SHROOM3: variants seen among roughly 807,000 people sequenced by gnomAD.
SHROOM3 encodes the protein shroom family member 3, also known as protein Shroom3.
Under a neutral mutation model 138.6 loss-of-function variants are expected in SHROOM3, and 47 were observed. The observed-to-expected ratio is 0.34, with a 90% CI of 0.27 to 0.43. The LOEUF is 0.43. Among genes scored for constraint, SHROOM3 ranks in the 20% least tolerant of loss-of-function variants. SHROOM3 has a pLI of 1.00. For missense variants in SHROOM3, 2,491 were observed against 2,596.5 expected (o/e 0.96, Z 0.88); for synonymous variants, 1,062 against 1,063.3 (o/e 1.00, Z 0.02).
intron 2 of SHROOM3, among the ~76,000 whole-genome samples, chr4:76,678,737 T>G (rs1437687201): frequency 6.6e-6 from 1 of 152,226 alleles, no homozygotes; most frequent in Non-Finnish European, 1.5e-5. Flanking sequence ...CCTGGCTCAC[T>G]GCAACCTCCG....
chr4:76,621,262 G>C (rs146727114), intron 2 of SHROOM3, among the ~76,000 whole-genome samples: 12 of 152,244 alleles, frequency 7.9e-5, no homozygotes, highest in African/African-American at 2.4e-4. Flanking sequence ...AAGCTAAGGT[G>C]ATCATCAGAC....
At position 76,567,372 on chromosome 4, in the gene SHROOM3, C is replaced by T. The variant is rs186847596; in HGVS notation, c.323+11609C>T. ...CAACATGGTGAAACCCCGTCTCAGC[C>T]GGGTGCGGTGGCTCATGCCTGTAAT... On this transcript the variant is annotated intron_variant, in intron 2 of 10. Transcript: ENST00000296043. 8.9e-3 allele frequency among the ~76,000 whole-genome samples: 1,349 copies of T among 152,172 alleles called. 12 individuals carry two copies. Among genetic ancestry groups the T allele is most frequent in the Non-Finnish European group, 0.011 (780 of 68,006 alleles).
chr4:76,451,601 T>C (rs1240577278), intron 1 of SHROOM3, among the ~76,000 whole-genome samples: 1 of 152,208 alleles, frequency 6.6e-6, no homozygotes, highest in Non-Finnish European at 1.5e-5. Flanking sequence ...TTCTATATCT[T>C]AATAGTGATA....
chr4:76,562,466 G>A (rs1733618236), intron 2 of SHROOM3, among the ~76,000 whole-genome samples: 2 of 152,122 alleles, frequency 1.3e-5, no homozygotes, highest in Non-Finnish European at 2.9e-5. Flanking sequence ...AACTCACCCA[G>A]GATTTGCAAG....
At chr4:76,777,088 T>C (rs1722594105) in intron 10 of SHROOM3, among the ~76,000 whole-genome samples, 1 of 152,196 alleles carries the variant, frequency 6.6e-6, no homozygotes, top group South Asian at 2.1e-4. Context: ...GGGCTCTTTT[T>C]TGGTTCCATA....
rs1321805128 is a variant in SHROOM3 at position 76,741,120 on chromosome 4, C to T, written c.2947C>T (p.Arg983Trp). ...GGCCTCCGCCTCCCCGCACACGCCC[C>T]GGGAGCGGCACAGCGTGACCCCTGC... ...ASASASPHTP[R>W]ERHSVTPAEG... is the part of the protein sequence containing the mutation. Residue 983 changes from arginine to tryptophan, a missense_variant, in exon 5 of 11, where the codon CGG becomes TGG. Physicochemically the swap from Arg to Trp is moderately radical, Grantham distance 101 (BLOSUM62 -3). Around this residue, in one of 4 missense-constraint regions of SHROOM3, gnomAD observed 1,733 missense variants for 1,661.6 expected, o/e 1.04. Coordinates refer to ENST00000296043, the MANE Select transcript of SHROOM3 (RefSeq NM_020859.4). This position sits in a 1 kb window ranked among gnomAD's most constrained non-coding sequence, Gnocchi z 6.2. The T allele has an allele frequency of 5.8e-6, 9 of 1,552,176 alleles. No homozygotes were observed. The highest frequency in any genetic ancestry group is 1.4e-5 in the African/African-American group (1 of 73,210).
At chr4:76,450,739 G>A (rs1329507676) in intron 1 of SHROOM3, among the ~76,000 whole-genome samples, 2 of 152,120 alleles carry the variant, frequency 1.3e-5, no homozygotes, top group African/African-American at 4.8e-5. Flanking sequence ...CTATAAATGG[G>A]TACAAGGTTT....
At chr4:76,531,466 T>C (rs1159203096) in intron 1 of SHROOM3, among the ~76,000 whole-genome samples, 1 of 152,154 alleles carries the variant, frequency 6.6e-6, no homozygotes, top group African/African-American at 2.4e-5. Context: ...TTCCATCTAG[T>C]GCACCACGAA....
intron 2 of SHROOM3, among the ~76,000 whole-genome samples, chr4:76,646,250 AAT>A (rs1735819089): frequency 7.0e-6 from 1 of 142,696 alleles, no homozygotes; most frequent in Non-Finnish European, 1.5e-5. Context: ...ATATATATAA[AAT>A]TAAAAAAAAG....
intron 3 of SHROOM3, among the ~76,000 whole-genome samples, chr4:76,720,457 T>C (rs897157088): frequency 6.6e-6 from 1 of 152,200 alleles, no homozygotes; most frequent in African/African-American, 2.4e-5. Context: ...GTTTTTTGAC[T>C]TGGTCCCAGT....
intron 9 of SHROOM3, among the ~76,000 whole-genome samples, chr4:76,760,568 T>C (rs571208847): frequency 3.2e-4 from 48 of 152,222 alleles, no homozygotes; most frequent in Admixed American, 1.5e-3. Flanking sequence ...ATCTACAATG[T>C]GTCCCAAGCT....
rs1720184273 is a variant in SHROOM3 at position 76,710,055 on chromosome 4, CG to C, written c.324-97del. On this transcript the variant is annotated intron_variant, in intron 2 of 10. Transcript: ENST00000296043. ...TAGCTGTGCTGCTTTGCTCTGGCTC[CG>C]GGGTTCGTTTTCATGTGCTTTTTCG... 1.3e-5 allele frequency: 19 copies of C among 1,519,468 alleles called. No homozygotes were observed. In the East Asian group the frequency reaches 3.2e-4, roughly 26 times the overall value. 94.1% of individuals were successfully genotyped at this position (1,519,468 alleles called of 1,614,324 possible).
rs565433759 is a variant in SHROOM3, at chr4:76,563,177, C to A, written c.323+7414C>A. On this transcript the variant is annotated intron_variant, in intron 2 of 10. Coordinates refer to ENST00000296043, the MANE Select transcript of SHROOM3 (RefSeq NM_020859.4). ...TGTTTCATCATAGTAAAATATTAAT[C>A]TTTATTTCATAAGGAGCTTCTATTG... Among the ~76,000 whole-genome samples the A allele has an allele frequency of 2.6e-5, 4 of 152,272 alleles. No homozygotes were observed. The East Asian group carries it at 7.7e-4, about 29-fold the overall frequency.
chr4:76,440,828 ATCTC>A (rs758151932), intron 1 of SHROOM3, among the ~76,000 whole-genome samples: 7 of 152,022 alleles, frequency 4.6e-5, no homozygotes, highest in Non-Finnish European at 8.8e-5. Context: ...TAGCTGGACT[ATCTC>A]TATGCCATCT....
chr4:76,777,828 A>G (rs904975775), intron 10 of SHROOM3, among the ~76,000 whole-genome samples: 1 of 152,228 alleles, frequency 6.6e-6, no homozygotes, highest in Non-Finnish European at 1.5e-5. Context: ...CACATTAAAG[A>G]TAACATATGC....
rs564480318 is a variant in SHROOM3, at chr4:76,740,083, A to G, written c.1910A>G (p.Asn637Ser). The G allele has an allele frequency of 6.2e-7, 1 of 1,613,764 alleles. No homozygotes were observed. The highest frequency in any genetic ancestry group is 1.3e-5 in the African/African-American group (1 of 75,056). Residue 637 changes from asparagine (N) to serine (S), a missense_variant, in exon 5 of 11, where the codon AAC (asparagine) becomes AGC (serine). Physicochemically the swap from Asn to Ser is conservative, Grantham distance 46. This residue lies in a region of SHROOM3 where 1,733 missense variants were observed against 1,661.6 expected (regional missense o/e 1.04). Transcript: ENST00000296043. The surrounding 1 kb of genome is among the most constrained non-coding windows in gnomAD (Gnocchi z 4.0). ...GATTTCCAGGAAGACCACAATGCCAACCTCTGGAGGAGGCTGGAGAGAGAA... is the reference window on the plus strand; with the variant it reads ...GATTTCCAGGAAGACCACAATGCCAGCCTCTGGAGGAGGCTGGAGAGAGAA... ...EGDFQEDHNA[N>S]LWRRLEREGL...
chr4:76,512,565 C>T (rs1732359817), intron 1 of SHROOM3, among the ~76,000 whole-genome samples: 1 of 152,054 alleles, frequency 6.6e-6, no homozygotes. Flanking sequence ...GCTTGGGGAT[C>T]GAGGGACAAG....
intron 7 of SHROOM3, among the ~76,000 whole-genome samples, 164 bp downstream of exon 7, chr4:76,755,356 C>T (rs555508353): frequency 6.6e-6 from 1 of 152,228 alleles, no homozygotes; most frequent in African/African-American, 2.4e-5. Context: ...GGTAGTTGGA[C>T]CAGTGTCATT....
In SHROOM3 at chr4:76,740,046, C is replaced by T. The variant is rs1424470888; in HGVS notation, c.1873C>T (p.Pro625Ser). ...EDKRSSRLSEPWEGDFQEDHN... is the reference protein window; with the variant it reads ...EDKRSSRLSESWEGDFQEDHN... ...CAAGAGATCTTCCAGGCTCTCAGAG[C>T]CCTGGGAGGGCGATTTCCAGGAAGA... The change falls in exon 5 of 11, where the codon CCC becomes TCC. Residue 625 changes from proline (P) to serine (S), a missense_variant. Physicochemically the swap from Pro to Ser is moderately conservative, Grantham distance 74 (BLOSUM62 -1). This residue lies in a region of SHROOM3 where 1,733 missense variants were observed against 1,661.6 expected (regional missense o/e 1.04). Transcript: ENST00000296043. This position sits in a 1 kb window ranked among gnomAD's most constrained non-coding sequence, Gnocchi z 4.0. 1 of 1,613,838 alleles carries T rather than the reference C, an allele frequency of 6.2e-7. No individual in the cohort carries two copies. Among genetic ancestry groups the T allele is most frequent in the East Asian group, 2.2e-5 (1 of 44,866 alleles).
Sources: gnomAD v4.1 joint callset for allele counts (sites outside exome capture counted in the v4.1 genomes callset) on GRCh38, gnomAD v4.1.1 for gene constraint, gnomAD v4.1.1 regional missense constraint, Gnocchi (gnomAD v3.1) non-coding constraint, MANE v1.5 for transcripts, NCBI Gene and HGNC (gene_info 2026-07-23, HGNC 2026-07-21) for gene names.